Variants in MBOAT2 observed in about 807,000 individuals in gnomAD.
The protein encoded by MBOAT2 is membrane-bound glycerophospholipid O-acyltransferase 2.
MBOAT2 carries 28 observed loss-of-function variants against 63.4 expected under a neutral mutation model. The ratio of observed to expected loss-of-function variants is 0.44; its 90% CI spans 0.33 to 0.61. The LOEUF (loss-of-function observed/expected upper bound fraction) is 0.61, where lower values mean the gene tolerates loss of function less well. Ranked by LOEUF, MBOAT2 falls within the 20% of genes least tolerant of loss-of-function variation. MBOAT2 has a pLI of 0.03. For missense variants in MBOAT2, 470 were observed against 605.8 expected (o/e 0.78, Z 2.35); for synonymous variants, 211 against 215.6 (o/e 0.98, Z 0.19).
Position 9,003,493 on chromosome 2 carries a change from A to G in MBOAT2, c.75+47T>C. On this transcript the variant is annotated intron_variant, in intron 1 of 12. Coordinates refer to ENST00000305997, the MANE Select transcript of MBOAT2 (RefSeq NM_138799.4). The surrounding 1 kb of genome is among the most constrained non-coding windows in gnomAD (Gnocchi z 5.4). ...CCGGTCGGGTGGCACCGCGGCGGGG[A>G]GGGGCGGCGAGGGCGCGACGCCCGG... The G allele has an allele frequency of 8.8e-7, 1 of 1,139,424 alleles. No individual in the cohort carries two copies. The highest frequency in any genetic ancestry group is 1.1e-6 in the Non-Finnish European group (1 of 922,294). 70.6% of individuals were successfully genotyped at this position (1,139,424 alleles called of 1,614,324 possible). A position where few individuals can be genotyped will look rare whatever the true frequency, so the allele number is the denominator to read the frequency against.
chr2:8,994,221 G>A (rs1022953350), intron 1 of MBOAT2, among the ~76,000 whole-genome samples: 1 of 152,118 alleles, frequency 6.6e-6, no homozygotes, highest in Admixed American at 6.5e-5. Context: ...TAGTTTGGGA[G>A]GGAGACTTGT....
intron 9 of MBOAT2, among the ~76,000 whole-genome samples, chr2:8,865,218 T>C (rs1383731818): frequency 6.6e-6 from 1 of 152,086 alleles, no homozygotes; most frequent in Non-Finnish European, 1.5e-5. Context: ...CAAAATAAAG[T>C]CAAGAAGAGG....
At chr2:8,910,530 A>C (rs923424371) in intron 3 of MBOAT2, among the ~76,000 whole-genome samples, 4 of 152,246 alleles carry the variant, frequency 2.6e-5, no homozygotes, top group African/African-American at 9.6e-5. Context: ...CTGGTAACTG[A>C]AAATGGGGTG....
chr2:8,954,285 C>T (rs1573155684), intron 2 of MBOAT2, among the ~76,000 whole-genome samples: 1 of 152,158 alleles, frequency 6.6e-6, no homozygotes, highest in Admixed American at 6.5e-5. Flanking sequence ...CTGCAGCCAA[C>T]ATAGCTGCGT....
chr2:8,881,920 T>C (rs1663166733), intron 6 of MBOAT2, among the ~76,000 whole-genome samples: 1 of 152,192 alleles, frequency 6.6e-6, no homozygotes, highest in Non-Finnish European at 1.5e-5. Context: ...GTATAATGAG[T>C]ATTCCATCTC....
chr2:8,998,895 A>G (rs1425042884), intron 1 of MBOAT2, among the ~76,000 whole-genome samples: 2 of 152,216 alleles, frequency 1.3e-5, no homozygotes, highest in Non-Finnish European at 2.9e-5. Context: ...TGGTAAATAC[A>G]TACGTGCACG....
rs1317563063 is a variant in MBOAT2 at position 8,862,754 on chromosome 2, T to G, written c.1053-32A>C. On this transcript the variant is annotated intron_variant, in intron 10 of 12. Coordinates refer to ENST00000305997, the MANE Select transcript of MBOAT2 (RefSeq NM_138799.4). The surrounding 1 kb of genome is among the most constrained non-coding windows in gnomAD (Gnocchi z 4.3). ...ACCATGAAAAACATGGAGAGCCAAG[T>G]GGAGTGAGTGACCCGAGTTTACAAA... is the stretch of plus-strand genomic sequence containing the variant. 1 of 1,594,630 alleles carries G rather than the reference T, an allele frequency of 6.3e-7. No homozygotes were observed. Among genetic ancestry groups the G allele is most frequent in the South Asian group, 1.1e-5 (1 of 87,378 alleles).
intron 3 of MBOAT2, among the ~76,000 whole-genome samples, chr2:8,912,373 G>GAGAGAGAA (rs1482531914): frequency 2.4e-5 from 2 of 84,358 alleles, no homozygotes; most frequent in South Asian, 4.2e-4. Flanking sequence ...AAGAAAGAAA[G>GAGAGAGAA]AGAAAGAAAG....
chr2:8,951,712 G>A (rs924270069), intron 2 of MBOAT2, among the ~76,000 whole-genome samples: 3 of 152,170 alleles, frequency 2.0e-5, no homozygotes, highest in African/African-American at 7.2e-5. Flanking sequence ...TCTAGTTTGT[G>A]TGCACAGAGA....
chr2:8,921,397 T>C (rs1666556816), intron 3 of MBOAT2, among the ~76,000 whole-genome samples: 1 of 152,206 alleles, frequency 6.6e-6, no homozygotes, highest in Admixed American at 6.5e-5. Context: ...CTATCATATA[T>C]ATGGCATCTA....
intron 2 of MBOAT2, among the ~76,000 whole-genome samples, chr2:8,952,043 T>C (rs1668873230): frequency 6.6e-6 from 1 of 152,212 alleles, no homozygotes; most frequent in Admixed American, 6.5e-5. Flanking sequence ...TCTAACTTTT[T>C]GAGGTGGGTG....
At chr2:8,890,600 G>A (rs937503256) in intron 4 of MBOAT2, among the ~76,000 whole-genome samples, 2 of 152,132 alleles carry the variant, frequency 1.3e-5, no homozygotes, top group African/African-American at 4.8e-5. Flanking sequence ...GGTGACTGAA[G>A]CCTTGACCTT....
At chr2:8,984,573 C>T (rs1671422277) in intron 1 of MBOAT2, among the ~76,000 whole-genome samples, 1 of 152,048 alleles carries the variant, frequency 6.6e-6, no homozygotes, top group African/African-American at 2.4e-5. Flanking sequence ...TAAAAGCATA[C>T]ATTCTCTTGC....
chr2:8,978,711 C>T (rs1219838813), intron 1 of MBOAT2, among the ~76,000 whole-genome samples: 4 of 152,062 alleles, frequency 2.6e-5, no homozygotes, highest in African/African-American at 9.7e-5. Context: ...ATAGCTAATG[C>T]ATCGGAGCCT....
At chr2:8,869,668 T>A (rs1206810841) in intron 8 of MBOAT2, among the ~76,000 whole-genome samples, 1 of 152,234 alleles carries the variant, frequency 6.6e-6, no homozygotes, top group Non-Finnish European at 1.5e-5. Context: ...CTGTCAGGTT[T>A]AATGAGGTCA....
chr2:8,914,648 A>AT (rs898886727), intron 3 of MBOAT2, among the ~76,000 whole-genome samples: 1 of 152,090 alleles, frequency 6.6e-6, no homozygotes, highest in Non-Finnish European at 1.5e-5. Flanking sequence ...ATATTTATGC[A>AT]TTTTTTTCCT....
intron 8 of MBOAT2, among the ~76,000 whole-genome samples, chr2:8,872,884 T>C (rs1189191978): frequency 1.3e-5 from 2 of 152,242 alleles, no homozygotes; most frequent in East Asian, 1.9e-4. Context: ...ATATCTGTTG[T>C]CTTTCATTGA....
intron 4 of MBOAT2, 43 bp from the exon 5 acceptor site, chr2:8,888,116 T>A (rs758906522): frequency 1.8e-5 from 27 of 1,541,948 alleles, no homozygotes; most frequent in Non-Finnish European, 2.2e-5. Flanking sequence ...AAGAAGAAAG[T>A]TAAAACAATA....
chr2:8,995,869 G>A (rs1672262751), intron 1 of MBOAT2, among the ~76,000 whole-genome samples: 1 of 152,168 alleles, frequency 6.6e-6, no homozygotes, highest in Admixed American at 6.5e-5. Flanking sequence ...GGGATTACAG[G>A]CGTGAGCCAT....
Sources: gnomAD v4.1 joint callset for allele counts (sites outside exome capture counted in the v4.1 genomes callset) on GRCh38, gnomAD v4.1.1 for gene constraint, Gnocchi (gnomAD v3.1) non-coding constraint, MANE v1.5 for transcripts, NCBI Gene and HGNC (gene_info 2026-07-23, HGNC 2026-07-21) for gene names.